Variants in BMPR1A observed in about 807,000 individuals in gnomAD.
BMPR1A encodes the protein bone morphogenetic protein receptor type-1A.
BMPR1A carries 7 observed loss-of-function variants against 66.0 expected under a neutral mutation model. The ratio of observed to expected loss-of-function variants is 0.11; its 90% confidence interval spans 0.06 to 0.20. BMPR1A has a LOEUF of 0.20. Among genes scored for constraint, BMPR1A ranks in the 10% least tolerant of loss-of-function variants. The pLI is 1.00. For synonymous variants in BMPR1A, 200 were observed against 229.7 expected (o/e 0.87, Z 1.17); for missense variants, 408 against 669.1 (o/e 0.61, Z 4.31).
intron 1 of BMPR1A, among the ~76,000 whole-genome samples, chr10:86,764,408 C>T (rs1163430284): frequency 6.6e-6 from 1 of 152,078 alleles, no homozygotes; most frequent in South Asian, 2.1e-4. Flanking sequence ...GAAATATAAT[C>T]GCTGGGTGAC....
chr10:86,827,176 G>GT (rs1464535688), intron 1 of BMPR1A, among the ~76,000 whole-genome samples: 2 of 151,412 alleles, frequency 1.3e-5, no homozygotes, highest in Admixed American at 6.6e-5. Context: ...CATTCCCTTA[G>GT]TTTTTTCTTA....
chr10:86,784,441 G>A (rs1841485470), intron 1 of BMPR1A, among the ~76,000 whole-genome samples: 1 of 152,144 alleles, frequency 6.6e-6, no homozygotes, highest in Admixed American at 6.5e-5. Flanking sequence ...TGCATCCTAG[G>A]AATAAGGCTC....
intron 7 of BMPR1A, among the ~76,000 whole-genome samples, chr10:86,909,794 C>A (rs570035719): frequency 6.6e-6 from 1 of 151,988 alleles, no homozygotes; most frequent in East Asian, 1.9e-4. Context: ...ATATTAAGTT[C>A]TATAAATATA....
intron 1 of BMPR1A, among the ~76,000 whole-genome samples, chr10:86,824,394 C>CA (rs1842164744): frequency 6.6e-6 from 1 of 152,094 alleles, no homozygotes; most frequent in South Asian, 2.1e-4. Context: ...GCATGTGACT[C>CA]ACGGATTTAA....
At chr10:86,886,590 G>A (rs1049412699) in intron 3 of BMPR1A, among the ~76,000 whole-genome samples, 17 of 152,276 alleles carry the variant, frequency 1.1e-4, no homozygotes, top group African/African-American at 4.1e-4. Flanking sequence ...AGCAGGTCAT[G>A]GCTAGAGGGG....
intron 2 of BMPR1A, among the ~76,000 whole-genome samples, chr10:86,847,507 CT>C (rs949240032): frequency 6.6e-5 from 10 of 151,324 alleles, no homozygotes; most frequent in African/African-American, 2.4e-4. Context: ...TTTTGTTTTT[CT>C]TTTTCCTCAT....
In BMPR1A at chr10:86,911,154, C is replaced by CAAA. The variant is rs35449069; in HGVS notation, c.531-1066_531-1064dup. ...TGGGTGACAGAGTGAGACCCTGTCT[C>CAAA]AAAAAAAAAAAAAAAAAAAAAATTA... On this transcript the variant is annotated intron_variant, in intron 7 of 12. Coordinates refer to ENST00000372037, the MANE Select transcript of BMPR1A (RefSeq NM_004329.3). Among the ~76,000 whole-genome samples, 59 of 82,556 alleles carry CAAA rather than the reference C, an allele frequency of 7.1e-4. 3 individuals are homozygous for CAAA. The highest frequency in any genetic ancestry group is 1.9e-3 in the South Asian group (4 of 2,154). The allele number at this position is 82,556 out of a possible 152,430, so 54.2% of individuals were successfully genotyped here.
chr10:86,911,365 A>C (rs1442532304), intron 7 of BMPR1A, among the ~76,000 whole-genome samples: 1 of 152,150 alleles, frequency 6.6e-6, no homozygotes, highest in East Asian at 1.9e-4. Context: ...AATTGTCAAC[A>C]TTTGGTATAC....
chr10:86,830,956 A>C (rs1309026706), intron 1 of BMPR1A, among the ~76,000 whole-genome samples: 1 of 152,066 alleles, frequency 6.6e-6, no homozygotes, highest in Non-Finnish European at 1.5e-5. Flanking sequence ...GAAATTGCCT[A>C]TTCTGAATAT....
intron 2 of BMPR1A, among the ~76,000 whole-genome samples, chr10:86,860,315 A>T (rs886527342): frequency 1.3e-5 from 2 of 152,342 alleles, no homozygotes; most frequent in Admixed American, 6.5e-5. Context: ...TATATATATA[A>T]AAACAGTAAA....
intron 1 of BMPR1A, among the ~76,000 whole-genome samples, chr10:86,759,820 CTT>C (rs1458771178): frequency 6.6e-6 from 1 of 152,146 alleles, no homozygotes; most frequent in African/African-American, 2.4e-5. Flanking sequence ...CTGGAGAGGA[CTT>C]TGAGTAACAC....
intron 9 of BMPR1A, among the ~76,000 whole-genome samples, chr10:86,918,680 G>A (rs148450618): frequency 0.046 from 6,903 of 149,520 alleles, 207 homozygotes; most frequent in South Asian, 0.077. Context: ...CTGGAGTGCA[G>A]TGGCGCCATC....
intron 1 of BMPR1A, among the ~76,000 whole-genome samples, chr10:86,757,963 C>G (rs1327793452): frequency 6.6e-6 from 1 of 152,180 alleles, no homozygotes; most frequent in Non-Finnish European, 1.5e-5. Context: ...TATTTTGTTG[C>G]TGGAGTTGAA....
intron 2 of BMPR1A, among the ~76,000 whole-genome samples, chr10:86,846,721 A>ACAC (rs1564701956): frequency 6.6e-6 from 1 of 151,450 alleles, no homozygotes; most frequent in Admixed American, 6.6e-5. Context: ...CACACACACA[A>ACAC]AAAAAATTAA....
chr10:86,773,444 T>C (rs529885931), intron 1 of BMPR1A, among the ~76,000 whole-genome samples: 1 of 151,804 alleles, frequency 6.6e-6, no homozygotes, highest in East Asian at 1.9e-4. Context: ...AGTACAAAAA[T>C]TAGCTGGGCA....
intron 9 of BMPR1A, 46 bp downstream of exon 9, chr10:86,917,372 T>C: frequency 6.2e-7 from 1 of 1,606,728 alleles, no homozygotes; most frequent in Non-Finnish European, 8.5e-7. Flanking sequence ...ACAAGGCTAG[T>C]GAGGTACAGG....
intron 3 of BMPR1A, among the ~76,000 whole-genome samples, chr10:86,880,964 G>A (rs1374990186): frequency 1.3e-5 from 2 of 152,112 alleles, no homozygotes; most frequent in African/African-American, 4.8e-5. Context: ...CACTTGGGAG[G>A]CCAAGGCAGG....
intron 2 of BMPR1A, among the ~76,000 whole-genome samples, chr10:86,863,655 C>A: frequency 6.6e-6 from 1 of 152,146 alleles, no homozygotes; most frequent in East Asian, 1.9e-4. Context: ...TAGCTGCCAG[C>A]AGTTTCTGGG....
chr10:86,908,732 G>C (rs945850881), intron 7 of BMPR1A, among the ~76,000 whole-genome samples: 1 of 152,164 alleles, frequency 6.6e-6, no homozygotes, highest in Non-Finnish European at 1.5e-5. Context: ...AGTGAGGGGG[G>C]CGTGCCTGTT....
Sources: gnomAD v4.1 joint callset for allele counts (sites outside exome capture counted in the v4.1 genomes callset) on GRCh38, gnomAD v4.1.1 for gene constraint, MANE v1.5 for transcripts, NCBI Gene and HGNC (gene_info 2026-07-23, HGNC 2026-07-21) for gene names.